Variants in ACACB observed in about 807,000 individuals in gnomAD.
The protein encoded by ACACB is acetyl-CoA carboxylase beta, also known as acetyl-CoA carboxylase 2.
ACACB carries 209 observed loss-of-function variants against 278.8 expected under a neutral mutation model. The ratio of observed to expected loss-of-function variants is 0.75; its 90% confidence interval spans 0.67 to 0.84. The LOEUF is 0.84. Ranked by LOEUF, ACACB falls within the 40% of genes least tolerant of loss-of-function variation. ACACB has a pLI of 0.00. For missense variants in ACACB, 2,850 were observed against 3,269.0 expected (o/e 0.87, Z 3.13); for synonymous variants, 1,174 against 1,285.6 (o/e 0.91, Z 1.86).
chr12:109,188,258 C>T, intron 13 of ACACB, 96 bp downstream of exon 13: 2 of 1,296,276 alleles, frequency 1.5e-6, no homozygotes, highest in Non-Finnish European at 2.1e-6. Flanking sequence ...TCCCCTCTTC[C>T]TTCCCTCTTT....
chr12:109,210,097 G>GTA (rs1175484325), intron 21 of ACACB, among the ~76,000 whole-genome samples: 1 of 85,878 alleles, frequency 1.2e-5, no homozygotes, highest in African/African-American at 5.5e-5. Context: ...ATACACACAT[G>GTA]TGTGTGTATA....
In ACACB at chr12:109,179,168, C is replaced by T. The variant is rs771187738; in HGVS notation, c.1518C>T (p.Leu506=). The T allele has an allele frequency of 1.1e-5, 17 of 1,614,098 alleles. No homozygotes were observed. The African/African-American group carries it at 1.2e-4, about 11-fold the overall frequency. ...CCCGTCACCTGGAAGTTCAGATCCT[C>T]GCTGACCAGTATGGGAATGCTGTGT... The part of the protein sequence containing the change: ...QHARHLEVQI[L]ADQYGNAVSL... The change falls in exon 10 of 53, where the codon CTC becomes CTT. Residue 506 remains leucine, a synonymous_variant. Transcript: ENST00000338432.
At chr12:109,238,954 T>G in intron 34 of ACACB, among the ~76,000 whole-genome samples, 1 of 152,134 alleles carries the variant, frequency 6.6e-6, no homozygotes. Context: ...TTTGCTCTTG[T>G]CACCCAGGCT....
intron 27 of ACACB, among the ~76,000 whole-genome samples, chr12:109,225,663 G>C (rs547861876): frequency 6.6e-6 from 1 of 152,180 alleles, no homozygotes; most frequent in African/African-American, 2.4e-5. Context: ...CCCAGTTCCC[G>C]CATTTCCTGT....
chr12:109,167,860 G>A (rs1240816099), intron 3 of ACACB, 36 bp from the exon 4 acceptor site: 4 of 1,613,316 alleles, frequency 2.5e-6, no homozygotes, highest in Non-Finnish European at 3.4e-6. Flanking sequence ...GCAGGTAGAT[G>A]TGCATCTACA....
intron 1 of ACACB, among the ~76,000 whole-genome samples, chr12:109,137,971 T>C (rs966162796): frequency 6.6e-6 from 1 of 151,858 alleles, no homozygotes; most frequent in African/African-American, 2.4e-5. Flanking sequence ...TGATCTCAGC[T>C]CACTGCAACC....
chr12:109,262,373 C>T lies in ACACB; in HGVS notation c.6691C>T (p.Pro2231Ser), dbSNP rs2047402036. The change falls in exon 49 of 53, where the codon CCA becomes TCA. Residue 2231 changes from proline to serine, a missense_variant. By Grantham distance (74) the Pro-to-Ser change is moderately conservative (BLOSUM62 -1). This residue lies in a region of ACACB where 579 missense variants were observed against 684.6 expected (regional missense o/e 0.85). Transcript: ENST00000338432. ...DKESRGGVLE[P>S]EGTVEIKFRK... ...TCTTTTAAGGGGTGGTGTTCTGGAA[C>T]CAGAGGGGACAGTGGAGATTAAGTT... 6.2e-7 allele frequency: 1 copy of T among 1,613,188 alleles called. No homozygotes were observed. The highest frequency in any genetic ancestry group is 1.1e-5 in the South Asian group (1 of 91,016).
chr12:109,194,175 C>T (rs1307081058), intron 16 of ACACB, among the ~76,000 whole-genome samples: 1 of 151,028 alleles, frequency 6.6e-6, no homozygotes, highest in African/African-American at 2.5e-5. Context: ...CAGTCTCTGT[C>T]TCTGTTTTTT....
Position 109,246,277 on chromosome 12 carries a change from A to T in ACACB, c.5400A>T (p.Gly1800=). The change falls in exon 39 of 53, where the codon GGA becomes GGT. Residue 1800 remains glycine, a synonymous_variant. Coordinates refer to ENST00000338432, the MANE Select transcript of ACACB (RefSeq NM_001093.4). ...VIGNDITFRI[G]SFGPGEDLLY... ...GCAATGACATCACCTTTCGCATTGG[A>T]TCCTTTGGCCCTGGAGAGGACCTTC... 6.2e-7 allele frequency: 1 copy of T among 1,613,046 alleles called. No individual in the cohort carries two copies. Among genetic ancestry groups the T allele is most frequent in the Non-Finnish European group, 8.5e-7 (1 of 1,179,836 alleles).
intron 19 of ACACB, among the ~76,000 whole-genome samples, chr12:109,206,384 A>C: frequency 6.9e-6 from 1 of 144,388 alleles, no homozygotes; most frequent in Non-Finnish European, 1.5e-5. Flanking sequence ...CAGTGAGCCG[A>C]GGTCATGCCA....
intron 44 of ACACB, 122 bp from the exon 45 acceptor site, chr12:109,256,018 G>T (rs1174220919): frequency 7.6e-6 from 5 of 660,074 alleles, no homozygotes; most frequent in Non-Finnish European, 1.3e-5. Flanking sequence ...GGTAGAAAGG[G>T]GTATCTGGGC....
At chr12:109,230,630 A>G (rs907163375) in intron 28 of ACACB, among the ~76,000 whole-genome samples, 2 of 152,084 alleles carry the variant, frequency 1.3e-5, no homozygotes, top group African/African-American at 4.8e-5. Flanking sequence ...GGGTCTCACT[A>G]TGTGGCCCAG....
Position 109,248,521 on chromosome 12 carries a change from A to G in ACACB, c.5669+818A>G, listed in dbSNP as rs539993612. Among the ~76,000 whole-genome samples, 27 of 152,232 alleles carry G rather than the reference A, an allele frequency of 1.8e-4. No individual in the cohort carries two copies. In the East Asian group the frequency reaches 4.3e-3, roughly 24 times the overall value. ...GGGCCCCTGGCAAACCACTGGCGTG[A>G]GTCCAAGAGTCCAAAGGCCGAAGAA... On this transcript the variant is annotated intron_variant, in intron 40 of 52. Coordinates refer to ENST00000338432, the MANE Select transcript of ACACB (RefSeq NM_001093.4).
At position 109,187,989 on chromosome 12, in the gene ACACB, C is replaced by T. The variant is rs779044933; in HGVS notation, c.1981-10C>T. 12 of 1,582,472 alleles carry T rather than the reference C, an allele frequency of 7.6e-6. No homozygotes were observed. The highest frequency in any genetic ancestry group is 4.5e-5 in the South Asian group (4 of 89,374). On this transcript the variant is annotated splice_polypyrimidine_tract_variant and intron_variant, in intron 12 of 52. Transcript: ENST00000338432. ...TTTCTTCCATTTTGCATTTTCTGTC[C>T]GGACTCCAGGGTTTTAAGCCGAGCT...
chr12:109,214,326 C>T (rs1032880210), intron 22 of ACACB, among the ~76,000 whole-genome samples: 1 of 152,134 alleles, frequency 6.6e-6, no homozygotes, highest in Non-Finnish European at 1.5e-5. Flanking sequence ...AGGCATGTTT[C>T]CCATGTGCCA....
intron 45 of ACACB, 136 bp downstream of exon 45, chr12:109,256,372 G>A (rs2047224806): frequency 1.5e-6 from 1 of 655,154 alleles, no homozygotes; most frequent in African/African-American, 1.8e-5. Flanking sequence ...ACCAATTTGG[G>A]GAATGATTTC....
Position 109,191,951 on chromosome 12 carries a change from G to T in ACACB, c.2399+1G>T. The T allele has an allele frequency of 6.2e-7, 1 of 1,614,176 alleles. No homozygotes were observed. Among genetic ancestry groups the T allele is most frequent in the Non-Finnish European group, 8.5e-7 (1 of 1,180,006 alleles). ...CAGATTTCTTACACTCCCTGGAAAG[G>T]TAGGGGCTGTGGCAGTTCCCTTCTG... On this transcript the variant is annotated splice_donor_variant, in intron 15 of 52. Coordinates refer to ENST00000338432, the MANE Select transcript of ACACB (RefSeq NM_001093.4). LOFTEE classifies it high-confidence loss of function.
intron 39 of ACACB, 82 bp from the exon 40 acceptor site, chr12:109,247,524 C>T (rs1293075223): frequency 3.7e-5 from 34 of 925,690 alleles, no homozygotes; most frequent in South Asian, 7.0e-5. Flanking sequence ...TCCATCCCTA[C>T]GATGTTCACA....
intron 48 of ACACB, among the ~76,000 whole-genome samples, chr12:109,261,622 G>C (rs1355022775): frequency 6.6e-6 from 1 of 152,106 alleles, no homozygotes; most frequent in African/African-American, 2.4e-5. Context: ...TGTAATCCCA[G>C]CATTTTGGGA....
Sources: allele counts gnomAD v4.1 joint callset (sites outside exome capture counted in the v4.1 genomes callset), GRCh38; gene constraint gnomAD v4.1.1; regional missense constraint gnomAD v4.1.1; transcripts MANE v1.5; gene names NCBI Gene and HGNC (gene_info 2026-07-23, HGNC 2026-07-21).